Variants in AUTS2 observed in about 807,000 individuals in gnomAD.
AUTS2 encodes autism susceptibility gene 2 protein.
In AUTS2, 17 loss-of-function variants were observed where a neutral mutation model predicts 112.4. The ratio of observed to expected loss-of-function variants is 0.15; its 90% CI spans 0.10 to 0.23. The LOEUF (loss-of-function observed/expected upper bound fraction) is 0.23. Among genes scored for constraint, AUTS2 ranks in the 10% least tolerant of loss-of-function variants. The pLI is 1.00. For synonymous variants in AUTS2, 751 were observed against 702.7 expected (o/e 1.07, Z -1.09); for missense variants, 1,510 against 1,701.6 (o/e 0.89, Z 1.98).
intron 1 of AUTS2, among the ~76,000 whole-genome samples, chr7:69,637,611 T>C (rs752498791): frequency 1.6e-4 from 24 of 152,226 alleles, no homozygotes; most frequent in South Asian, 8.3e-4. Flanking sequence ...AAAAGTGCCT[T>C]TGTTTTTCGT....
intron 5 of AUTS2, among the ~76,000 whole-genome samples, chr7:70,495,215 C>T (rs1320132551): frequency 6.8e-6 from 1 of 146,352 alleles, no homozygotes; most frequent in African/African-American, 2.6e-5. Context: ...AAGCTCCTCT[C>T]CTGTGAATAA....
chr7:69,995,837 C>T (rs1448344640), intron 2 of AUTS2, among the ~76,000 whole-genome samples: 1 of 152,152 alleles, frequency 6.6e-6, no homozygotes, highest in Non-Finnish European at 1.5e-5. Context: ...TGCATGGAAG[C>T]CAGGAGCATT....
intron 2 of AUTS2, among the ~76,000 whole-genome samples, chr7:69,966,468 A>G (rs553966263): frequency 1.5e-4 from 23 of 152,332 alleles, no homozygotes; most frequent in South Asian, 2.1e-4. Context: ...AGCTGATAAC[A>G]TCATACATCC....
At chr7:70,746,064 C>T (rs1241721914) in intron 6 of AUTS2, among the ~76,000 whole-genome samples, 1 of 152,082 alleles carries the variant, frequency 6.6e-6, no homozygotes, top group Non-Finnish European at 1.5e-5. Context: ...TGTGCAGAAT[C>T]GAAGTAAAGG....
intron 4 of AUTS2, among the ~76,000 whole-genome samples, chr7:70,395,550 AG>A (rs1794042958): frequency 6.6e-6 from 1 of 152,202 alleles, no homozygotes. Context: ...TGTGGACCAG[AG>A]TATGTGATTG....
intron 6 of AUTS2, among the ~76,000 whole-genome samples, chr7:70,734,146 C>T (rs1001628363): frequency 2.0e-5 from 3 of 151,914 alleles, no homozygotes; most frequent in Admixed American, 6.6e-5. Context: ...GTCCAGATAC[C>T]ATGAAAACCC....
At chr7:69,784,638 T>C (rs1789286090) in intron 1 of AUTS2, among the ~76,000 whole-genome samples, 1 of 151,860 alleles carries the variant, frequency 6.6e-6, no homozygotes, top group Non-Finnish European at 1.5e-5. Flanking sequence ...AGCTGGGGAG[T>C]TGTTATTTGT....
chr7:69,705,971 A>T (rs1300094489), intron 1 of AUTS2, among the ~76,000 whole-genome samples: 1 of 151,886 alleles, frequency 6.6e-6, no homozygotes, highest in African/African-American at 2.4e-5. Flanking sequence ...TTAATTAATT[A>T]CCTCTTTAAA....
At chr7:69,849,029 A>G (rs1792339634) in intron 1 of AUTS2, among the ~76,000 whole-genome samples, 1 of 152,166 alleles carries the variant, frequency 6.6e-6, no homozygotes, top group African/African-American at 2.4e-5. Flanking sequence ...AAAAATAAAA[A>G]AAATTAGCCA....
intron 2 of AUTS2, among the ~76,000 whole-genome samples, chr7:69,917,637 GT>G (rs1358486221): frequency 6.6e-6 from 1 of 152,126 alleles, no homozygotes; most frequent in East Asian, 1.9e-4. Flanking sequence ...ACAATATATT[GT>G]TTTTTGTCCC....
chr7:70,157,476 GTTTA>G lies in AUTS2; in HGVS notation c.660+22917_660+22920del, dbSNP rs141373514. Among the ~76,000 whole-genome samples the G allele has an allele frequency of 8.5e-3, 1,288 of 151,912 alleles. 46 individuals are homozygous for G. In the East Asian group the frequency reaches 0.098, roughly 12 times the overall value. ...TTATTGTTTTATTATTTATTTATTT[GTTTA>G]TTTATTTATTTTTTCTTTAAGAGAT... is the stretch of plus-strand genomic sequence containing the variant. On this transcript the variant is annotated intron_variant, in intron 4 of 18. Coordinates refer to ENST00000342771, the MANE Select transcript of AUTS2 (RefSeq NM_015570.4).
At chr7:70,343,005 C>G (rs770223693) in intron 4 of AUTS2, among the ~76,000 whole-genome samples, 1 of 152,186 alleles carries the variant, frequency 6.6e-6, no homozygotes, top group Non-Finnish European at 1.5e-5. Context: ...AATTTAAGCT[C>G]ATTTGTGGAA....
chr7:70,597,551 G>A (rs1803267252), intron 5 of AUTS2, among the ~76,000 whole-genome samples: 1 of 152,178 alleles, frequency 6.6e-6, no homozygotes, highest in Non-Finnish European at 1.5e-5. Flanking sequence ...TGTGCAATTT[G>A]GGAACTAATC....
At chr7:70,777,283 A>ATAGT (rs1790768570) in intron 14 of AUTS2, 109 bp downstream of exon 14, 1 of 968,718 alleles carries the variant, frequency 1.0e-6, no homozygotes, top group South Asian at 1.4e-5. Flanking sequence ...TTACAGACCC[A>ATAGT]TAGTTAGGAA....
At chr7:70,683,934 A>C (rs1186807260) in intron 5 of AUTS2, among the ~76,000 whole-genome samples, 1 of 152,214 alleles carries the variant, frequency 6.6e-6, no homozygotes, top group Admixed American at 6.5e-5. Flanking sequence ...AGCAAGAGGG[A>C]AAATCAGAAA....
chr7:69,856,063 A>G (rs922536438), intron 1 of AUTS2, among the ~76,000 whole-genome samples: 14 of 152,200 alleles, frequency 9.2e-5, no homozygotes, highest in Admixed American at 5.9e-4. Context: ...TTTCCTGACT[A>G]AATATTGCAG....
intron 1 of AUTS2, among the ~76,000 whole-genome samples, chr7:69,750,233 A>AG (rs1269733323): frequency 1.3e-5 from 2 of 152,018 alleles, no homozygotes; most frequent in Non-Finnish European, 2.9e-5. Context: ...CAAAAGCGTA[A>AG]GGGTGTGTGG....
At chr7:69,711,237 A>C (rs781007743) in intron 1 of AUTS2, among the ~76,000 whole-genome samples, 7 of 152,160 alleles carry the variant, frequency 4.6e-5, no homozygotes, top group Non-Finnish European at 1.0e-4. Context: ...CCGTGCAATT[A>C]ACATGAAAAT....
At chr7:70,587,469 T>C (rs369498856) in intron 5 of AUTS2, among the ~76,000 whole-genome samples, 66 of 152,208 alleles carry the variant, frequency 4.3e-4, no homozygotes, top group South Asian at 6.2e-4. Flanking sequence ...TAGCACTGCA[T>C]CACCTGGCCT....
Sources: gnomAD v4.1 joint callset for allele counts (sites outside exome capture counted in the v4.1 genomes callset) on GRCh38, gnomAD v4.1.1 for gene constraint, MANE v1.5 for transcripts, NCBI Gene and HGNC (gene_info 2026-07-23, HGNC 2026-07-21) for gene names.